SSUH2: variants seen among roughly 807,000 people sequenced by gnomAD.
SSUH2 encodes protein SSUH2 homolog.
SSUH2 carries 47 observed loss-of-function variants against 55.3 expected under a neutral mutation model. The observed-to-expected ratio is 0.85, with a 90% confidence interval of 0.67 to 1.08. SSUH2 has a LOEUF of 1.08. Ranked by LOEUF, SSUH2 falls within the 50% of genes least tolerant of loss-of-function variation. The pLI, the probability that SSUH2 is intolerant of heterozygous loss-of-function variation, is 0.00. For synonymous variants in SSUH2, 212 were observed against 191.5 expected, an observed-to-expected ratio of 1.11 and a Z score of -0.89; for missense variants, 535 against 490.7, an observed-to-expected ratio of 1.09 and a Z score of -0.85.
intron 1 of SSUH2, 92 bp from the exon 2 acceptor site, chr3:8,635,949 T>A: frequency 8.9e-7 from 1 of 1,123,482 alleles, no homozygotes; most frequent in Non-Finnish European, 1.3e-6. Flanking sequence ...GCGGGTGCAT[T>A]ATAAAAAGCC....
At chr3:8,681,164 G>C (rs542492784) in intron 1 of SSUH2, among the ~76,000 whole-genome samples, 40 of 142,442 alleles carry the variant, frequency 2.8e-4, no homozygotes, top group African/African-American at 9.4e-4. Context: ...CCATAGCAGG[G>C]GGGGGAGTCA....
intron 9 of SSUH2, 70 bp downstream of exon 9, chr3:8,626,159 C>A: frequency 7.8e-7 from 1 of 1,283,592 alleles, no homozygotes; most frequent in Non-Finnish European, 1.1e-6. Context: ...AGTTTCTCTG[C>A]AGAAGCCAGT....
chr3:8,678,973 C>A (rs866377164), intron 2 of SSUH2, among the ~76,000 whole-genome samples: 1 of 69,984 alleles, frequency 1.4e-5, no homozygotes, highest in Non-Finnish European at 3.2e-5. Flanking sequence ...CATCGCAGGG[C>A]GGAGAGTCAC....
chr3:8,632,995 C>T (rs1336537277), intron 4 of SSUH2, among the ~76,000 whole-genome samples: 1 of 152,176 alleles, frequency 6.6e-6, no homozygotes, highest in African/African-American at 2.4e-5. Context: ...ATCACTTTGC[C>T]TCTTTAAATT....
At chr3:8,659,883 T>G (rs1416061996) in intron 6 of SSUH2, 1 of 437,798 alleles carries the variant, frequency 2.3e-6, no homozygotes, top group Admixed American at 2.4e-5. Context: ...CATGGGTTCA[T>G]GGGAATCTTT....
chr3:8,634,133 G>A, intron 3 of SSUH2: 1 of 687,596 alleles, frequency 1.5e-6, no homozygotes, highest in South Asian at 1.9e-5. Context: ...GTCCAGAGAG[G>A]ATGTCGCACA....
At chr3:8,671,143 G>A in exon 5 of SSUH2, 1 of 197,984 alleles carries the variant, frequency 5.1e-6, no homozygotes, top group African/African-American at 2.2e-5. Context: ...GACATTAGCA[G>A]TAACGTTTTC....
intron 3 of SSUH2, chr3:8,634,209 G>A (rs897346008): frequency 5.9e-5 from 34 of 574,114 alleles, no homozygotes; most frequent in Admixed American, 3.6e-4. Flanking sequence ...CTTAGCCAGA[G>A]GAGCTGCTAG....
At chr3:8,641,106 C>A (rs1284554383) in intron 1 of SSUH2, among the ~76,000 whole-genome samples, 1 of 152,178 alleles carries the variant, frequency 6.6e-6, no homozygotes, top group East Asian at 1.9e-4. Context: ...GGCACCCCCT[C>A]CAGACTTAGC....
chr3:8,646,803 A>G (rs1701731132), upstream of SSUH2, among the ~76,000 whole-genome samples: 1 of 152,146 alleles, frequency 6.6e-6, no homozygotes, highest in Admixed American at 6.5e-5. Flanking sequence ...CTTACTATCA[A>G]AGGAGGTTGG....
At chr3:8,624,152 G>C (rs1192726516) in intron 10 of SSUH2, among the ~76,000 whole-genome samples, 1 of 151,654 alleles carries the variant, frequency 6.6e-6, no homozygotes, top group East Asian at 1.9e-4. Context: ...AAAGCCCCCA[G>C]ATCCCCTTCT....
intron 1 of SSUH2, among the ~76,000 whole-genome samples, chr3:8,644,025 C>T (rs1701318594): frequency 6.6e-6 from 1 of 152,104 alleles, no homozygotes; most frequent in Admixed American, 6.6e-5. Context: ...CTCTGCACTG[C>T]CTGTTTCAAA....
Position 8,633,446 on chromosome 3 carries a change from C to T in SSUH2, c.339+220G>A, listed in dbSNP as rs575338459. Among the ~76,000 whole-genome samples the T allele has an allele frequency of 1.8e-4, 27 of 152,296 alleles. 1 individual carries two copies. In the South Asian group the frequency reaches 2.9e-3, roughly 16 times the overall value. ...AAGTGCTGGGATTACAGGCATGAGC[C>T]GCCGCACCCGGCCTGACACTTGTTC... On this transcript the variant is annotated intron_variant, in intron 4 of 11. Transcript: ENST00000544814.
intron 7 of SSUH2, among the ~76,000 whole-genome samples, chr3:8,655,527 C>T (rs1310690677): frequency 6.6e-6 from 1 of 152,064 alleles, no homozygotes; most frequent in Non-Finnish European, 1.5e-5. Context: ...CAGTGTGTGG[C>T]CTCCCCGAGA....
chr3:8,666,344 T>G (rs1368908463), intron 5 of SSUH2, among the ~76,000 whole-genome samples: 2 of 152,206 alleles, frequency 1.3e-5, no homozygotes, highest in African/African-American at 2.4e-5. Context: ...TCTTGAAGTT[T>G]CACAATCAAT....
intron 1 of SSUH2, among the ~76,000 whole-genome samples, chr3:8,644,356 A>T (rs932232013): frequency 6.6e-6 from 1 of 152,214 alleles, no homozygotes; most frequent in Non-Finnish European, 1.5e-5. Context: ...AACTAGAGAA[A>T]AGAAGAAAAA....
In SSUH2 at chr3:8,629,675, C is replaced by T. The variant is rs144988627; in HGVS notation, c.577G>A (p.Gly193Arg). 3.6e-4 allele frequency: 405 copies of T among 1,126,326 alleles called. 1 individual carries two copies. The highest frequency in any genetic ancestry group is 4.4e-4 in the Non-Finnish European group (343 of 786,490). The allele number at this position is 1,126,326 out of a possible 1,614,324, so 69.8% of individuals were successfully genotyped here. Residue 193 changes from glycine to arginine, a missense_variant, in exon 7 of 12, where the codon GGG becomes AGG. By Grantham distance (125) the Gly-to-Arg change is moderately radical. Coordinates refer to ENST00000544814, the MANE Select transcript of SSUH2 (RefSeq NM_001256748.3). ...RGRYKCSGCHGAGTVRCPSCC... is the reference protein window; with the variant it reads ...RGRYKCSGCHRAGTVRCPSCC... Reference sequence around the variant, plus strand: ...CACAGATGACTCACCGTGCCCGCCCCGTGGCAGCCGCTGCACTTGTACCGC... The same window carrying T: ...CACAGATGACTCACCGTGCCCGCCCTGTGGCAGCCGCTGCACTTGTACCGC...
At chr3:8,671,795 TATC>T (rs1222310197) in intron 4 of SSUH2, 1 of 149,774 alleles carries the variant, frequency 6.7e-6, no homozygotes, top group Middle Eastern at 3.2e-3. Flanking sequence ...CCGGGAGTAA[TATC>T]ACCCCCCCTC....
At chr3:8,620,056 C>G in intron 11 of SSUH2, 42 bp from the exon 12 acceptor site, 1 of 1,606,282 alleles carries the variant, frequency 6.2e-7, no homozygotes, top group South Asian at 1.1e-5. Context: ...GTGTTCTGTT[C>G]AAGTCACTCA....
Sources: gnomAD v4.1 joint callset for allele counts (sites outside exome capture counted in the v4.1 genomes callset) on GRCh38, gnomAD v4.1.1 for gene constraint, MANE v1.5 for transcripts, NCBI Gene and HGNC (gene_info 2026-07-23, HGNC 2026-07-21) for gene names.